SYT16: variants seen among roughly 807,000 people sequenced by gnomAD.
SYT16 encodes the protein synaptotagmin 16.
Under a neutral mutation model 61.4 loss-of-function variants are expected in SYT16, and 42 were observed. That is an observed-to-expected ratio of 0.68 (90% confidence interval 0.53 to 0.89). The LOEUF (loss-of-function observed/expected upper bound fraction) is 0.89, where lower values mean the gene tolerates loss of function less well. SYT16 is among the 40% of genes least tolerant of loss of function. The pLI is 0.00. For missense variants in SYT16, 804 were observed against 807.3 expected, an observed-to-expected ratio of 1.00 and a Z score of 0.05; for synonymous variants, 314 against 302.3, an observed-to-expected ratio of 1.04 and a Z score of -0.40.
intron 5 of SYT16, among the ~76,000 whole-genome samples, chr14:62,077,879 T>C (rs892217417): frequency 6.6e-6 from 1 of 152,172 alleles, no homozygotes; most frequent in African/African-American, 2.4e-5. Context: ...CCCAGGACTC[T>C]CTTAGAAACC....
intron 3 of SYT16, among the ~76,000 whole-genome samples, chr14:62,039,424 A>G (rs1024109773): frequency 6.6e-6 from 1 of 152,198 alleles, no homozygotes; most frequent in Admixed American, 6.5e-5. Context: ...CCACTTCCAC[A>G]TATTATGTAT....
At chr14:61,836,519 C>T (rs2046134780) in intron 1 of SYT16, among the ~76,000 whole-genome samples, 1 of 152,216 alleles carries the variant, frequency 6.6e-6, no homozygotes, top group Non-Finnish European at 1.5e-5. Flanking sequence ...AATCCTGTAG[C>T]CATTCTCCTA....
In SYT16 at chr14:61,996,462, A is replaced by C; in HGVS notation, c.443A>C (p.Glu148Ala). 8 of 1,613,330 alleles carry C rather than the reference A, an allele frequency of 5.0e-6. No homozygotes were observed. Among genetic ancestry groups the C allele is most frequent in the Non-Finnish European group, 6.8e-6 (8 of 1,179,488 alleles). The change falls in exon 3 of 8, where the codon GAA (glutamate) becomes GCA (alanine). Residue 148 changes from glutamate to alanine, a missense_variant. By Grantham distance (107) the Glu-to-Ala change is moderately radical. Transcript: ENST00000683842. ...SSIAEEEHHL[E>A]KQRSGLQHGF... ...ATTGCGGAGGAAGAGCATCACCTTG[A>C]AAAGCAAAGAAGTGGCCTTCAACAT...
chr14:61,972,046 T>C (rs755298274), intron 2 of SYT16, among the ~76,000 whole-genome samples: 1 of 152,212 alleles, frequency 6.6e-6, no homozygotes, highest in Non-Finnish European at 1.5e-5. Context: ...GGAACCATTA[T>C]GAACTTCAGT....
intron 1 of SYT16, among the ~76,000 whole-genome samples, chr14:61,845,894 C>G (rs2046434025): frequency 6.6e-6 from 1 of 152,130 alleles, no homozygotes; most frequent in Non-Finnish European, 1.5e-5. Context: ...TCATTTGTTT[C>G]AAGAAAATTT....
chr14:61,905,365 T>C (rs148274869), intron 1 of SYT16, among the ~76,000 whole-genome samples: 1 of 152,404 alleles, frequency 6.6e-6, no homozygotes, highest in East Asian at 1.9e-4. Context: ...AGTGCAAAAG[T>C]AATTGCGGGT....
chr14:61,884,153 T>C (rs1315917923), intron 1 of SYT16, among the ~76,000 whole-genome samples: 1 of 152,224 alleles, frequency 6.6e-6, no homozygotes, highest in Non-Finnish European at 1.5e-5. Flanking sequence ...TTTGTTTTTC[T>C]GCACCTACCT....
intron 2 of SYT16, among the ~76,000 whole-genome samples, chr14:61,985,081 C>G (rs1178743064): frequency 6.6e-6 from 1 of 152,074 alleles, no homozygotes; most frequent in Non-Finnish European, 1.5e-5. Flanking sequence ...TTGCCAGACA[C>G]AGAAGCATTG....
chr14:61,827,416 G>C (rs145442739), intron 1 of SYT16, among the ~76,000 whole-genome samples: 2 of 152,262 alleles, frequency 1.3e-5, no homozygotes, highest in African/African-American at 4.8e-5. Context: ...AAAATGTGTT[G>C]ATCTTTCTCA....
chr14:61,839,885 G>A (rs910102218), intron 1 of SYT16, among the ~76,000 whole-genome samples: 2 of 151,760 alleles, frequency 1.3e-5, no homozygotes, highest in South Asian at 2.1e-4. Context: ...ACATTGTGGA[G>A]GGGAAAGGGG....
intron 3 of SYT16, among the ~76,000 whole-genome samples, chr14:62,037,585 T>C (rs543565030): frequency 2.0e-5 from 3 of 152,336 alleles, no homozygotes; most frequent in South Asian, 4.1e-4. Flanking sequence ...ATTTAGAGTG[T>C]TTACTTATCT....
intron 3 of SYT16, among the ~76,000 whole-genome samples, chr14:62,038,905 G>A (rs550715721): frequency 1.3e-5 from 2 of 152,274 alleles, no homozygotes; most frequent in South Asian, 2.1e-4. Flanking sequence ...CCTAATAAAC[G>A]TTGCGTAGAG....
chr14:62,029,780 G>GA (rs35272199), intron 3 of SYT16, among the ~76,000 whole-genome samples: 39 of 145,870 alleles, frequency 2.7e-4, no homozygotes, highest in Admixed American at 4.8e-4. Context: ...AGTCTAGTTG[G>GA]AAAAAAAAAA....
At chr14:62,084,018 G>A (rs2056799810) in intron 6 of SYT16, among the ~76,000 whole-genome samples, 178 bp from the exon 7 acceptor site, 1 of 152,198 alleles carries the variant, frequency 6.6e-6, no homozygotes, top group African/African-American at 2.4e-5. Context: ...CTAATGCAGG[G>A]ATCTCATCCG....
chr14:61,928,286 G>T (rs1263950106), intron 1 of SYT16, among the ~76,000 whole-genome samples: 1 of 152,162 alleles, frequency 6.6e-6, no homozygotes, highest in East Asian at 1.9e-4. Flanking sequence ...CCTCCTAAGA[G>T]ATAGGAATGG....
At chr14:62,042,851 T>A (rs2054791634) in intron 3 of SYT16, among the ~76,000 whole-genome samples, 1 of 152,150 alleles carries the variant, frequency 6.6e-6, no homozygotes, top group South Asian at 2.1e-4. Flanking sequence ...AGCTGTGGCC[T>A]GGTAATTTTC....
intron 7 of SYT16, among the ~76,000 whole-genome samples, chr14:62,097,836 A>G (rs897768366): frequency 6.6e-6 from 1 of 152,218 alleles, no homozygotes; most frequent in Non-Finnish European, 1.5e-5. Context: ...GATTAACTCA[A>G]TTCCCACTGC....
At chr14:61,939,847 C>T (rs1239620678) in intron 1 of SYT16, among the ~76,000 whole-genome samples, 2 of 152,160 alleles carry the variant, frequency 1.3e-5, no homozygotes, top group Admixed American at 6.5e-5. Flanking sequence ...CCTCACTGTA[C>T]ACCTGAGTCC....
chr14:61,850,634 T>A (rs771091481), intron 1 of SYT16, among the ~76,000 whole-genome samples: 5 of 152,224 alleles, frequency 3.3e-5, no homozygotes, highest in Non-Finnish European at 7.3e-5. Context: ...AATAATGAGA[T>A]TCTTTTATGT....
Sources: allele counts gnomAD v4.1 joint callset (sites outside exome capture counted in the v4.1 genomes callset), GRCh38; gene constraint gnomAD v4.1.1; transcripts MANE v1.5; gene names NCBI Gene and HGNC (gene_info 2026-07-23, HGNC 2026-07-21).